FBXW10: variants seen among roughly 807,000 people sequenced by gnomAD.
FBXW10 encodes the protein F-box/WD repeat-containing protein 10.
Under a neutral mutation model 113.1 loss-of-function variants are expected in FBXW10, and 68 were observed. The ratio of observed to expected loss-of-function variants is 0.60; its 90% CI spans 0.49 to 0.74. The LOEUF is 0.74. Among genes scored for constraint, FBXW10 ranks in the 30% least tolerant of loss-of-function variants. The probability of loss-of-function intolerance (pLI) is 0.00; values close to 1 mark genes in which losing one functional copy is unlikely to be tolerated. For missense variants in FBXW10, 753 were observed against 1,284.5 expected (o/e 0.59, Z 6.32); for synonymous variants, 289 against 481.6 (o/e 0.60, Z 5.24).
intron 11 of FBXW10, among the ~76,000 whole-genome samples, chr17:18,771,188 A>AC (rs1231144796): frequency 6.6e-6 from 1 of 152,114 alleles, no homozygotes; most frequent in Admixed American, 6.5e-5. Context: ...GCTTGAGTGA[A>AC]CGTAAGTCTA....
intron 11 of FBXW10, among the ~76,000 whole-genome samples, 192 bp from the exon 12 acceptor site, chr17:18,772,220 T>A (rs959583077): frequency 6.6e-6 from 1 of 152,252 alleles, no homozygotes; most frequent in Admixed American, 6.5e-5. Flanking sequence ...GTGACAAAGC[T>A]AACGACTCCT....
chr17:18,750,691 G>A (rs751906564), intron 4 of FBXW10, among the ~76,000 whole-genome samples: 2 of 152,050 alleles, frequency 1.3e-5, no homozygotes, highest in Non-Finnish European at 2.9e-5. Flanking sequence ...TGAGGCTGGC[G>A]ACAGTCTGAC....
At chr17:18,745,044 G>A in intron 1 of FBXW10, 1 of 1,306,234 alleles carries the variant, frequency 7.7e-7, no homozygotes. Flanking sequence ...GAAATGGCTG[G>A]TCCCTGCCCC....
In FBXW10 at chr17:18,768,459, A is replaced by T. The variant is rs1481419379; in HGVS notation, c.1705-75A>T. ...TTGGTGGGGGGTGGCTTTGGGATTC[A>T]TCTGAAGAAGCCTCAGCTTTGGTTC... is the stretch of plus-strand genomic sequence containing the variant. On this transcript the variant is annotated intron_variant, in intron 9 of 13. Transcript: ENST00000395665. 31 of 1,581,290 alleles carry T rather than the reference A, an allele frequency of 2.0e-5. 1 individual carries two copies. Among genetic ancestry groups the T allele is most frequent in the Non-Finnish European group, 3.4e-6 (4 of 1,162,288 alleles).
chr17:18,755,599 T>C (rs892025384), intron 5 of FBXW10, among the ~76,000 whole-genome samples: 1 of 152,034 alleles, frequency 6.6e-6, no homozygotes, highest in Non-Finnish European at 1.5e-5. Flanking sequence ...GTAGCAGTAA[T>C]TTCACAGTTG....
chr17:18,756,423 T>C (rs1405209496), intron 6 of FBXW10, among the ~76,000 whole-genome samples: 1 of 152,236 alleles, frequency 6.6e-6, no homozygotes, highest in Non-Finnish European at 1.5e-5. Context: ...TCTTTATTTT[T>C]TGAAATATCT....
rs749433523 is a variant in FBXW10 at position 18,756,139 on chromosome 17, G to T, written c.1217G>T (p.Arg406Leu). 2.5e-6 allele frequency: 4 copies of T among 1,613,632 alleles called. No homozygotes were observed. The East Asian group carries it at 6.7e-5, about 27-fold the overall frequency. Residue 406 changes from arginine (R) to leucine (L), a missense_variant, in exon 6 of 14, where the codon CGC (arginine) becomes CTC (leucine). By Grantham distance (102) the Arg-to-Leu change is moderately radical. Transcript: ENST00000395665. Reference sequence around the variant, plus strand: ...GTTTTCTGTGGGACCTACAATGTTCGCATTCTCTCTGACACGTAGGTACTG... The same window carrying T: ...GTTTTCTGTGGGACCTACAATGTTCTCATTCTCTCTGACACGTAGGTACTG... Reference protein sequence around the residue: ...RNVFCGTYNVRILSDTWDQNR... With the variant: ...RNVFCGTYNVLILSDTWDQNR...
At chr17:18,769,842 C>G (rs542644262) in intron 10 of FBXW10, 85 bp from the exon 11 acceptor site, 1 of 1,474,758 alleles carries the variant, frequency 6.8e-7, no homozygotes, top group African/African-American at 1.4e-5. Flanking sequence ...GCTGCTCAAT[C>G]ACACACAAAA....
At chr17:18,762,512 C>T (rs200032360) in intron 7 of FBXW10, among the ~76,000 whole-genome samples, 42 of 150,776 alleles carry the variant, frequency 2.8e-4, no homozygotes, top group East Asian at 1.2e-3. Flanking sequence ...TTAGTAGAGA[C>T]GAGGTTTCAC....
Position 18,751,013 on chromosome 17 carries a change from G to T in FBXW10, c.1082G>T (p.Ser361Ile), listed in dbSNP as rs754706695. The change falls in exon 5 of 14, where the codon AGC becomes ATC. Residue 361 changes from serine (S) to isoleucine (I), a missense_variant. Physicochemically the swap from Ser to Ile is moderately radical, Grantham distance 142. Transcript: ENST00000395665. The part of the protein sequence containing the change: ...PVPKMVDDGK[S>I]MRVKHPKWKL... Reference sequence around the variant, plus strand: ...CCTAAAATGGTAGATGACGGGAAGAGCATGCGTGTGAAACATCCGAAGTGG... The same window carrying T: ...CCTAAAATGGTAGATGACGGGAAGATCATGCGTGTGAAACATCCGAAGTGG... The T allele has an allele frequency of 1.4e-5, 23 of 1,614,162 alleles. No homozygotes were observed. The highest frequency in any genetic ancestry group is 1.9e-5 in the Non-Finnish European group (22 of 1,180,038).
At chr17:18,776,094 G>A (rs935828110) in intron 13 of FBXW10, among the ~76,000 whole-genome samples, 30 of 152,048 alleles carry the variant, frequency 2.0e-4, no homozygotes, top group East Asian at 1.9e-4. Flanking sequence ...GGAGATGAGC[G>A]GATTGCCTGA....
chr17:18,766,498 A>G (rs2035498832), intron 8 of FBXW10, among the ~76,000 whole-genome samples: 3 of 152,098 alleles, frequency 2.0e-5, no homozygotes, highest in Admixed American at 6.5e-5. Flanking sequence ...GGCTCCCTCA[A>G]CCACCTGTAT....
In FBXW10 at chr17:18,768,584, G is replaced by C; in HGVS notation, c.1755G>C (p.Trp585Cys). ...GAVKCLFFDQ[W>C]HLLSGSTDGL... ...TGAAATGCCTGTTCTTTGACCAGTG[G>C]CATCTCCTCTCAGGAAGTACTGATG... is the stretch of plus-strand genomic sequence containing the variant. Residue 585 changes from tryptophan to cysteine, a missense_variant, in exon 10 of 14, where the codon TGG becomes TGC. Coordinates refer to ENST00000395665, the MANE Select transcript of FBXW10 (RefSeq NM_001267585.2). 1 of 1,614,064 alleles carries C rather than the reference G, an allele frequency of 6.2e-7. No individual in the cohort carries two copies. The highest frequency in any genetic ancestry group is 8.5e-7 in the Non-Finnish European group (1 of 1,179,982).
intron 9 of FBXW10, among the ~76,000 whole-genome samples, chr17:18,767,250 A>T (rs1203326186): frequency 6.6e-6 from 1 of 152,046 alleles, no homozygotes; most frequent in Non-Finnish European, 1.5e-5. Context: ...AGGCAGGCGG[A>T]TCATGAGGTC....
At chr17:18,778,173 A>G (rs1410140620) in intron 13 of FBXW10, among the ~76,000 whole-genome samples, 1 of 152,212 alleles carries the variant, frequency 6.6e-6, no homozygotes, top group African/African-American at 2.4e-5. Flanking sequence ...GAACGGCGTG[A>G]ACCCGGAAGG....
At chr17:18,777,204 G>A (rs1295985452) in intron 13 of FBXW10, among the ~76,000 whole-genome samples, 4 of 151,834 alleles carry the variant, frequency 2.6e-5, no homozygotes, top group East Asian at 1.9e-4. Context: ...TAGGATTACA[G>A]GCGCCTGCCA....
rs1485152655 is a variant in FBXW10 at position 18,744,529 on chromosome 17, C to T, written c.285C>T (p.Ser95=). Residue 95 remains serine, a synonymous_variant, in exon 1 of 14, where the codon AGC becomes AGT. Coordinates refer to ENST00000395665, the MANE Select transcript of FBXW10 (RefSeq NM_001267585.2). The stretch of plus-strand genomic sequence containing the variant: ...ATAACAGGTCCCGGATCAACCTCAG[C>T]AAGAAAGAGGGGAAAGTTGTGAAGT... ...FIYNRSRINL[S]KKEGKVVKSS... is the part of the protein sequence containing the mutation. 1 of 1,613,834 alleles carries T rather than the reference C, an allele frequency of 6.2e-7. No homozygotes were observed. Among genetic ancestry groups the T allele is most frequent in the Non-Finnish European group, 8.5e-7 (1 of 1,179,868 alleles).
At chr17:18,772,079 C>T (rs1197868471) in intron 11 of FBXW10, among the ~76,000 whole-genome samples, 1 of 152,012 alleles carries the variant, frequency 6.6e-6, no homozygotes, top group East Asian at 1.9e-4. Flanking sequence ...TGCACTCCAG[C>T]CCGGGTGACA....
chr17:18,778,473 A>G lies in FBXW10; in HGVS notation c.2336-2A>G. 6.2e-7 allele frequency: 1 copy of G among 1,607,002 alleles called. No individual in the cohort carries two copies. Among genetic ancestry groups the G allele is most frequent in the Non-Finnish European group, 8.5e-7 (1 of 1,177,744 alleles). ...TTTAAAATTTTCTTTTTTTTGAAAA[A>G]GCAGATGATGTGGAGAAAGCACAAA... On this transcript the variant is annotated splice_acceptor_variant, in intron 13 of 13. Transcript: ENST00000395665. LOFTEE classifies it high-confidence loss of function.
Sources: allele counts gnomAD v4.1 joint callset (sites outside exome capture counted in the v4.1 genomes callset), GRCh38; gene constraint gnomAD v4.1.1; transcripts MANE v1.5; gene names NCBI Gene and HGNC (gene_info 2026-07-23, HGNC 2026-07-21).